ARHGAP39: variants seen among roughly 807,000 people sequenced by gnomAD.
ARHGAP39 encodes the protein Rho GTPase activating protein 39, also known as rho GTPase-activating protein 39.
In ARHGAP39, 44 loss-of-function variants were observed where a neutral mutation model predicts 106.9. The observed-to-expected ratio is 0.41, with a 90% CI of 0.32 to 0.53. ARHGAP39 has a LOEUF of 0.53. Ranked by LOEUF, ARHGAP39 falls within the 20% of genes least tolerant of loss-of-function variation. ARHGAP39 has a pLI of 0.21. For synonymous variants in ARHGAP39, 768 were observed against 693.2 expected, an observed-to-expected ratio of 1.11 and a Z score of -1.69; for missense variants, 1,496 against 1,577.3, an observed-to-expected ratio of 0.95 and a Z score of 0.87.
At chr8:144,541,658 C>A (rs1817197620) in intron 6 of ARHGAP39, among the ~76,000 whole-genome samples, 1 of 152,204 alleles carries the variant, frequency 6.6e-6, no homozygotes, top group Non-Finnish European at 1.5e-5. Flanking sequence ...GCATGATGCC[C>A]TCAAGGTTCA....
chr8:144,537,534 C>G (rs1817008270), intron 7 of ARHGAP39, among the ~76,000 whole-genome samples, 187 bp downstream of exon 7: 1 of 152,182 alleles, frequency 6.6e-6, no homozygotes, highest in Non-Finnish European at 1.5e-5. Flanking sequence ...TGTGGACAGG[C>G]TTGACCGCTC....
At chr8:144,542,740 A>C (rs1817248280) in intron 6 of ARHGAP39, among the ~76,000 whole-genome samples, 1 of 149,660 alleles carries the variant, frequency 6.7e-6, no homozygotes, top group Non-Finnish European at 1.5e-5. Context: ...GCAGTTTGAG[A>C]CCATCCTGGC....
intron 1 of ARHGAP39, among the ~76,000 whole-genome samples, chr8:144,606,011 T>C (rs3824112): frequency 0.98 from 149,061 of 152,284 alleles, 73,124 homozygotes; most frequent in Middle Eastern, 1. Context: ...GGGGGGACCG[T>C]GGGACCGTAG....
intron 2 of ARHGAP39, among the ~76,000 whole-genome samples, chr8:144,589,892 G>A (rs907534942): frequency 2.0e-5 from 3 of 152,222 alleles, no homozygotes; most frequent in African/African-American, 7.2e-5. Context: ...GGGCACAGAG[G>A]GGCGTGAGGA....
chr8:144,573,811 C>T (rs796752247), intron 3 of ARHGAP39, among the ~76,000 whole-genome samples: 37 of 152,054 alleles, frequency 2.4e-4, no homozygotes, highest in African/African-American at 8.9e-4. Context: ...CAATCAAGAA[C>T]GAAAACGAAA....
upstream of ARHGAP39, among the ~76,000 whole-genome samples, chr8:144,686,276 G>A (rs1374052658): frequency 6.6e-6 from 1 of 152,050 alleles, no homozygotes; most frequent in Non-Finnish European, 1.5e-5. Flanking sequence ...TTCTTGTGGC[G>A]GGCTCGTGTC....
chr8:144,554,359 A>G (rs747275515), intron 4 of ARHGAP39, among the ~76,000 whole-genome samples: 4 of 152,140 alleles, frequency 2.6e-5, no homozygotes, highest in African/African-American at 7.2e-5. Context: ...GGTCCTCCTC[A>G]CCTCACCTGG....
At chr8:144,685,483 G>A (rs868737837) in intron 1 of ARHGAP39, among the ~76,000 whole-genome samples, 75 of 122,376 alleles carry the variant, frequency 6.1e-4, no homozygotes, top group South Asian at 4.9e-3. Flanking sequence ...CCGCCCGGCC[G>A]GGCCCCGCAC....
At chr8:144,608,489 C>T (rs550700277) in intron 1 of ARHGAP39, among the ~76,000 whole-genome samples, 37 of 152,276 alleles carry the variant, frequency 2.4e-4, no homozygotes, top group African/African-American at 7.9e-4. Flanking sequence ...TGGGACCCCA[C>T]GCCACAGTGA....
rs761019353 is a variant in ARHGAP39 at position 144,547,640 on chromosome 8, C to G, written c.1446G>C (p.Leu482=). 40 of 1,530,986 alleles carry G rather than the reference C, an allele frequency of 2.6e-5. No individual in the cohort carries two copies. The East Asian group carries it at 8.8e-4, about 33-fold the overall frequency. The allele number at this position is 1,530,986 out of a possible 1,614,324, so 94.8% of individuals were successfully genotyped here. A position where few individuals can be genotyped will look rare whatever the true frequency, so the allele number is the denominator to read the frequency against. Residue 482 remains leucine (L), a synonymous_variant, in exon 5 of 12, where the codon CTG becomes CTC. Coordinates refer to ENST00000377307, the MANE Select transcript of ARHGAP39 (RefSeq NM_025251.3). The surrounding 1 kb of genome is among the most constrained non-coding windows in gnomAD (Gnocchi z 5.2). ...AMSWSSQQDT[L]SSTGYSPGTR... ...TGCCCGGGGAGTAGCCTGTGGAGGA[C>G]AGGGTGTCCTGCTGGCTGGACCAGG...
intron 3 of ARHGAP39, among the ~76,000 whole-genome samples, chr8:144,575,517 G>A (rs752730924): frequency 6.6e-6 from 1 of 151,774 alleles, no homozygotes; most frequent in African/African-American, 2.4e-5. Context: ...ACTAGCCTAG[G>A]CCTACCCATG....
At position 144,586,591 on chromosome 8, in the gene ARHGAP39, G is replaced by A. The variant is rs926142337; in HGVS notation, c.81-5314C>T. The A allele has an allele frequency of 2.0e-5, 3 of 152,296 alleles. No homozygotes were observed. Among genetic ancestry groups the A allele is most frequent in the Non-Finnish European group, 2.9e-5 (2 of 68,076 alleles). The allele number at this position is 152,296 out of a possible 1,614,324, so 9.4% of individuals were successfully genotyped here. A position where few individuals can be genotyped will look rare whatever the true frequency, so the allele number is the denominator to read the frequency against. On this transcript the variant is annotated intron_variant, in intron 2 of 11. Coordinates refer to ENST00000377307, the MANE Select transcript of ARHGAP39 (RefSeq NM_025251.3). This position sits in a 1 kb window ranked among gnomAD's most constrained non-coding sequence, Gnocchi z 4.2. ...ACAGCCTCAGGAGCAGCCTCGGAGT[G>A]TGACTCCTTCACAGACACTGGGCTT...
chr8:144,561,624 GGACCC>G (rs1564848625), intron 3 of ARHGAP39, among the ~76,000 whole-genome samples: 24 of 138,712 alleles, frequency 1.7e-4, no homozygotes, highest in Non-Finnish European at 2.9e-4. Context: ...GGTTTCCATC[GGACCC>G]CAGTGGTTTC....
intron 3 of ARHGAP39, among the ~76,000 whole-genome samples, chr8:144,561,709 C>G (rs966301445): frequency 6.7e-6 from 1 of 150,078 alleles, no homozygotes; most frequent in East Asian, 1.9e-4. Context: ...CCATCACACT[C>G]CAGTGGTTTC....
chr8:144,616,358 G>C (rs1431585858), intron 1 of ARHGAP39, among the ~76,000 whole-genome samples: 1 of 152,254 alleles, frequency 6.6e-6, no homozygotes, highest in South Asian at 2.1e-4. Flanking sequence ...TTCTGAATGA[G>C]TGTGGCTGTG....
Position 144,685,824 on chromosome 8 carries a change from C to T in ARHGAP39, c.-220G>A, listed in dbSNP as rs1822576394. Among the ~76,000 whole-genome samples, 1 of 147,870 alleles carries T rather than the reference C, an allele frequency of 6.8e-6. No homozygotes were observed. Among genetic ancestry groups the T allele is most frequent in the Admixed American group, 6.7e-5 (1 of 14,924 alleles). ...CAGCCCGTGCTGTCGGCGTCCTCCGCCGCCGCCGCCGGCCCAGTGCGCGGC... is the reference window on the plus strand; with the variant it reads ...CAGCCCGTGCTGTCGGCGTCCTCCGTCGCCGCCGCCGGCCCAGTGCGCGGC... On this transcript the variant is annotated 5_prime_UTR_variant, in exon 1 of 12. Transcript: ENST00000377307.
chr8:144,647,533 T>G lies in ARHGAP39; in HGVS notation c.-82+38153A>C, dbSNP rs896733347. ...CCACCCTGCTGCCCACACTGCCCTGTGCACTGCTGTCAGCCACGCCTGAAC... is the reference window on the plus strand; with the variant it reads ...CCACCCTGCTGCCCACACTGCCCTGGGCACTGCTGTCAGCCACGCCTGAAC... On this transcript the variant is annotated intron_variant, in intron 1 of 11. Coordinates refer to ENST00000377307, the MANE Select transcript of ARHGAP39 (RefSeq NM_025251.3). The surrounding 1 kb of genome is among the most constrained non-coding windows in gnomAD (Gnocchi z 4.8). 6.6e-6 allele frequency among the ~76,000 whole-genome samples: 1 copy of G among 152,228 alleles called. No individual in the cohort carries two copies. Among genetic ancestry groups the G allele is most frequent in the African/African-American group, 2.4e-5 (1 of 41,470 alleles).
At chr8:144,542,462 G>A (rs1015303354) in intron 6 of ARHGAP39, among the ~76,000 whole-genome samples, 3 of 152,138 alleles carry the variant, frequency 2.0e-5, no homozygotes, top group Admixed American at 6.6e-5. Flanking sequence ...GCTCCTCACC[G>A]AGGGTCCCTA....
At chr8:144,583,757 TC>T (rs1409375266) in intron 2 of ARHGAP39, among the ~76,000 whole-genome samples, 1 of 152,210 alleles carries the variant, frequency 6.6e-6, no homozygotes, top group Non-Finnish European at 1.5e-5. Flanking sequence ...TTCTGTATTT[TC>T]CAAGTGTTCC....
Sources: allele counts gnomAD v4.1 joint callset (sites outside exome capture counted in the v4.1 genomes callset), GRCh38; gene constraint gnomAD v4.1.1; non-coding constraint Gnocchi (gnomAD v3.1); transcripts MANE v1.5; gene names NCBI Gene and HGNC (gene_info 2026-07-23, HGNC 2026-07-21).